Variants in TENM3 observed in about 807,000 individuals in gnomAD.
TENM3 encodes the protein teneurin-3.
Under a neutral mutation model 255.1 loss-of-function variants are expected in TENM3, and 63 were observed. The observed-to-expected ratio is 0.25, with a 90% CI of 0.20 to 0.30. The LOEUF (loss-of-function observed/expected upper bound fraction) is 0.30. Ranked by LOEUF, TENM3 falls within the 10% of genes least tolerant of loss-of-function variation. TENM3 has a pLI of 1.00. For missense variants in TENM3, 2,929 were observed against 3,461.1 expected, an observed-to-expected ratio of 0.85 and a Z score of 3.86; for synonymous variants, 1,306 against 1,322.3, an observed-to-expected ratio of 0.99 and a Z score of 0.27.
the TENM3 span, among the ~76,000 whole-genome samples, chr4:181,566,959 C>T: frequency 2.0e-5 from 3 of 152,144 alleles, no homozygotes; most frequent in African/African-American, 7.2e-5. Flanking sequence ...TGTGAAGATG[C>T]CATCTTCCGA....
intron 4 of TENM3, among the ~76,000 whole-genome samples, chr4:182,605,648 A>G: frequency 6.6e-6 from 1 of 152,212 alleles, no homozygotes; most frequent in East Asian, 1.9e-4. Flanking sequence ...GGGAAGAAAC[A>G]TGAAGAGGGA....
At chr4:182,602,340 T>C (rs1214100615) in intron 4 of TENM3, among the ~76,000 whole-genome samples, 1 of 152,202 alleles carries the variant, frequency 6.6e-6, no homozygotes, top group East Asian at 1.9e-4. Context: ...CCCCAAAATG[T>C]CCTGCCCTAG....
chr4:182,270,456 A>G (rs1759543054), intron 1 of TENM3, among the ~76,000 whole-genome samples: 1 of 152,044 alleles, frequency 6.6e-6, no homozygotes, highest in South Asian at 2.1e-4. Flanking sequence ...TAGTCTTATG[A>G]TTTCTATTTT....
At chr4:182,513,391 T>C (rs1737605729) in intron 3 of TENM3, among the ~76,000 whole-genome samples, 1 of 152,036 alleles carries the variant, frequency 6.6e-6, no homozygotes. Context: ...CAGTTTGATA[T>C]ATTAGTGATA....
At chr4:182,195,023 TCACACACACACA>T (rs70954299) in intron 1 of TENM3, among the ~76,000 whole-genome samples, 47,558 of 146,998 alleles carry the variant, frequency 0.32, 8,354 homozygotes, top group Non-Finnish European at 0.42. Context: ...ACAGTCTCTA[TCACACACACACA>T]CACACACACA....
At chr4:181,698,927 T>G in the TENM3 span, among the ~76,000 whole-genome samples, 12 of 152,330 alleles carry the variant, frequency 7.9e-5, no homozygotes, top group South Asian at 2.1e-4. Flanking sequence ...AGAATATAAA[T>G]GAAGATGACA....
At chr4:182,524,284 T>C (rs1053869278) in intron 3 of TENM3, among the ~76,000 whole-genome samples, 1 of 151,908 alleles carries the variant, frequency 6.6e-6, no homozygotes, top group African/African-American at 2.4e-5. Flanking sequence ...AAATCTTGCA[T>C]TGAGAACCAC....
chr4:182,386,149 C>A (rs1411949025), intron 3 of TENM3, among the ~76,000 whole-genome samples: 1 of 152,160 alleles, frequency 6.6e-6, no homozygotes, highest in African/African-American at 2.4e-5. Context: ...TTAGAATTCG[C>A]AAAAGTATCT....
the TENM3 span, among the ~76,000 whole-genome samples, chr4:181,531,225 C>G: frequency 6.6e-6 from 1 of 152,032 alleles, no homozygotes; most frequent in Admixed American, 6.6e-5. Context: ...AATTATAGAG[C>G]AAGGAAGGGG....
chr4:182,638,165 A>T (rs1188373891), intron 5 of TENM3, among the ~76,000 whole-genome samples: 1 of 152,098 alleles, frequency 6.6e-6, no homozygotes, highest in Non-Finnish European at 1.5e-5. Context: ...CAAGAATCCC[A>T]TAGTCTCTTT....
chr4:181,474,007 T>C, the TENM3 span, among the ~76,000 whole-genome samples: 1 of 151,726 alleles, frequency 6.6e-6, no homozygotes, highest in Non-Finnish European at 1.5e-5. Context: ...AAAATACAAA[T>C]ACATTTTGCC....
At chr4:181,536,401 C>T in the TENM3 span, among the ~76,000 whole-genome samples, 6,043 of 152,268 alleles carry the variant, frequency 0.04, 291 homozygotes, top group African/African-American at 0.12. Context: ...TCTGAGATGA[C>T]GTCACTGCAG....
the TENM3 span, among the ~76,000 whole-genome samples, chr4:181,948,755 C>A: frequency 6.6e-6 from 1 of 152,108 alleles, no homozygotes; most frequent in Admixed American, 6.6e-5. Context: ...GAACTAGATT[C>A]TCTGGTGGCT....
intron 1 of TENM3, among the ~76,000 whole-genome samples, chr4:182,302,574 A>G (rs1761911629): frequency 6.6e-6 from 1 of 152,180 alleles, no homozygotes; most frequent in South Asian, 2.1e-4. Context: ...GAATAGAAAC[A>G]TCATTCATAA....
intron 13 of TENM3, among the ~76,000 whole-genome samples, chr4:182,716,938 A>T (rs1001162197): frequency 2.0e-5 from 3 of 152,216 alleles, no homozygotes; most frequent in African/African-American, 7.2e-5. Flanking sequence ...TGAAGAGCCC[A>T]ATGTGGCCCT....
chr4:182,148,985 T>C (rs1257092100), intron 1 of TENM3, among the ~76,000 whole-genome samples: 2 of 151,994 alleles, frequency 1.3e-5, no homozygotes, highest in East Asian at 3.9e-4. Flanking sequence ...TATATCAATA[T>C]ATATCCATAT....
chr4:182,367,815 T>A (rs1272648281), intron 3 of TENM3, among the ~76,000 whole-genome samples: 2 of 152,022 alleles, frequency 1.3e-5, no homozygotes, highest in South Asian at 2.1e-4. Context: ...AAGGAAAACA[T>A]AATGGTTTTA....
the TENM3 span, among the ~76,000 whole-genome samples, chr4:181,933,940 CTA>C: frequency 2.0e-5 from 3 of 152,004 alleles, no homozygotes; most frequent in Non-Finnish European, 4.4e-5. Flanking sequence ...CTCTTCCTGG[CTA>C]TCTTTATTTA....
At chr4:182,710,242 A>G (rs1407427705) in intron 12 of TENM3, among the ~76,000 whole-genome samples, 1 of 152,202 alleles carries the variant, frequency 6.6e-6, no homozygotes, top group African/African-American at 2.4e-5. Flanking sequence ...AGAAGTTTCG[A>G]TGGCACTTTC....
Sources: allele counts gnomAD v4.1 joint callset (sites outside exome capture counted in the v4.1 genomes callset), GRCh38; gene constraint gnomAD v4.1.1; transcripts MANE v1.5; gene names NCBI Gene and HGNC (gene_info 2026-07-23, HGNC 2026-07-21).